Variants in ZMAT4 observed in about 807,000 individuals in gnomAD.
ZMAT4 encodes the protein zinc finger matrin-type 4, also known as zinc finger matrin-type protein 4.
ZMAT4 carries 17 observed loss-of-function variants against 28.7 expected under a neutral mutation model. The observed-to-expected ratio is 0.59, with a 90% CI of 0.41 to 0.89. ZMAT4 has a LOEUF of 0.89. Among genes scored for constraint, ZMAT4 ranks in the 40% least tolerant of loss-of-function variants. The pLI, the probability that ZMAT4 is intolerant of heterozygous loss-of-function variation, is 0.00. For missense variants in ZMAT4, 240 were observed against 283.8 expected (o/e 0.85, Z 1.11); for synonymous variants, 117 against 109.2 (o/e 1.07, Z -0.44).
chr8:40,534,329 C>G (rs1272650806), intron 6 of ZMAT4, among the ~76,000 whole-genome samples: 1 of 152,144 alleles, frequency 6.6e-6, no homozygotes, highest in Admixed American at 6.5e-5. Context: ...TACAAAAGAA[C>G]ACGGAAAATT....
At chr8:40,887,902 C>G (rs932538953) in intron 1 of ZMAT4, among the ~76,000 whole-genome samples, 2 of 152,150 alleles carry the variant, frequency 1.3e-5, no homozygotes, top group Non-Finnish European at 2.9e-5. Context: ...CCAATCTGCC[C>G]CTGAGGAGCC....
intron 1 of ZMAT4, among the ~76,000 whole-genome samples, chr8:40,862,183 A>G (rs1407623345): frequency 6.6e-6 from 1 of 152,188 alleles, no homozygotes; most frequent in Non-Finnish European, 1.5e-5. Context: ...ATGTCCATCA[A>G]TGATAGACTG....
chr8:40,838,223 A>C (rs1048188256), intron 1 of ZMAT4, among the ~76,000 whole-genome samples: 4 of 152,252 alleles, frequency 2.6e-5, no homozygotes, highest in Admixed American at 2.6e-4. Context: ...GGTGAGCAGC[A>C]GTTGGCCAGT....
intron 6 of ZMAT4, 93 bp downstream of exon 6, chr8:40,581,072 C>T: frequency 9.7e-7 from 1 of 1,036,258 alleles, no homozygotes; most frequent in South Asian, 1.5e-5. Flanking sequence ...TTCCACTCTA[C>T]TTATTTAGAA....
intron 1 of ZMAT4, among the ~76,000 whole-genome samples, chr8:40,883,527 C>T (rs1818350787): frequency 6.6e-6 from 1 of 152,284 alleles, no homozygotes; most frequent in African/African-American, 2.4e-5. Context: ...ATCCACCCTC[C>T]CATTCAAATC....
In ZMAT4 at chr8:40,872,408, C is replaced by A. The variant is rs1409537329; in HGVS notation, c.-5+25275G>T. On this transcript the variant is annotated intron_variant, in intron 1 of 6. Transcript: ENST00000297737. ...TGTTGCTAAGTAACAGTGACTCCCC[C>A]TCCCTGTAGGCCTCGGGGGCCCCAG... 3.3e-5 allele frequency among the ~76,000 whole-genome samples: 5 copies of A among 152,326 alleles called. No homozygotes were observed. The East Asian group carries it at 5.8e-4, about 18-fold the overall frequency.
At chr8:40,558,841 C>T (rs753309853) in intron 6 of ZMAT4, among the ~76,000 whole-genome samples, 4 of 152,018 alleles carry the variant, frequency 2.6e-5, no homozygotes, top group Non-Finnish European at 4.4e-5. Flanking sequence ...ATTAGGCCCA[C>T]GCCCTTTTGT....
rs138902213 is a variant in ZMAT4, at chr8:40,703,290, ATCAT to A, written c.193-5893_193-5890del. Reference sequence around the variant, plus strand: ...TTTTTACATGAGTTTTTATAGCCACATCATTCATAATAGCCCAAAGTGGAAACAG... The same window carrying A: ...TTTTTACATGAGTTTTTATAGCCACATCATAATAGCCCAAAGTGGAAACAG... On this transcript the variant is annotated intron_variant, in intron 3 of 6. Transcript: ENST00000297737. Among the ~76,000 whole-genome samples, 484 of 152,360 alleles carry A rather than the reference ATCAT, an allele frequency of 3.2e-3. 5 individuals are homozygous for A. Among genetic ancestry groups the A allele is most frequent in the East Asian group, 0.03 (154 of 5,188 alleles).
At chr8:40,866,789 G>A (rs73675738) in intron 1 of ZMAT4, among the ~76,000 whole-genome samples, 6,381 of 152,240 alleles carry the variant, frequency 0.042, 418 homozygotes, top group African/African-American at 0.14. Flanking sequence ...ATATCCAACA[G>A]GATACACATA....
At chr8:40,833,540 C>CAAAAAAGAAAAAAAAAAAAAAAA (rs1816364488) in intron 1 of ZMAT4, among the ~76,000 whole-genome samples, 1 of 87,098 alleles carries the variant, frequency 1.1e-5, no homozygotes, top group African/African-American at 4.2e-5. Flanking sequence ...TACACTCCAG[C>CAAAAAAGAAAAAAAAAAAAAAAA]AAAAAAAAAA....
At chr8:40,772,584 G>T (rs1813427338) in intron 2 of ZMAT4, among the ~76,000 whole-genome samples, 1 of 151,140 alleles carries the variant, frequency 6.6e-6, no homozygotes, top group African/African-American at 2.4e-5. Flanking sequence ...AATGCTTCAG[G>T]CAGTCTTCAA....
At chr8:40,601,932 C>A (rs1207362374) in intron 5 of ZMAT4, among the ~76,000 whole-genome samples, 3 of 152,046 alleles carry the variant, frequency 2.0e-5, no homozygotes, top group African/African-American at 7.2e-5. Context: ...TGAATAAATT[C>A]TTTAGTGGTG....
intron 5 of ZMAT4, among the ~76,000 whole-genome samples, chr8:40,641,913 C>T (rs1349537): frequency 0.55 from 83,111 of 151,658 alleles, 23,819 homozygotes; most frequent in East Asian, 0.69. Flanking sequence ...GGCAACAAAG[C>T]GAGAATCCGT....
chr8:40,648,041 T>C (rs1031252340), intron 5 of ZMAT4, among the ~76,000 whole-genome samples: 1 of 152,196 alleles, frequency 6.6e-6, no homozygotes, highest in Non-Finnish European at 1.5e-5. Flanking sequence ...AGGAACGCAG[T>C]TCCTCACCAG....
intron 3 of ZMAT4, among the ~76,000 whole-genome samples, chr8:40,742,237 G>C (rs1812041666): frequency 6.6e-6 from 1 of 151,628 alleles, no homozygotes; most frequent in Admixed American, 6.6e-5. Context: ...GACAGAGTGA[G>C]ACCCTGTCTC....
chr8:40,537,824 C>G (rs1181019949), intron 6 of ZMAT4, among the ~76,000 whole-genome samples: 1 of 152,176 alleles, frequency 6.6e-6, no homozygotes, highest in East Asian at 1.9e-4. Flanking sequence ...ACATCCTCCT[C>G]ATTCCTGAGA....
intron 1 of ZMAT4, among the ~76,000 whole-genome samples, chr8:40,895,548 G>A (rs747303919): frequency 6.6e-6 from 1 of 152,162 alleles, no homozygotes. Flanking sequence ...CAAGAAAGAG[G>A]ATTGAGGAGG....
chr8:40,553,534 G>A (rs1803430557), intron 6 of ZMAT4, among the ~76,000 whole-genome samples: 1 of 152,156 alleles, frequency 6.6e-6, no homozygotes, highest in African/African-American at 2.4e-5. Flanking sequence ...GGATAGGAAT[G>A]TCTATCTGGG....
chr8:40,726,089 G>T (rs1334571671), intron 3 of ZMAT4, among the ~76,000 whole-genome samples: 2 of 152,200 alleles, frequency 1.3e-5, no homozygotes, highest in African/African-American at 4.8e-5. Flanking sequence ...TTAGATCTCA[G>T]AGTATGCTGG....
Sources: allele counts gnomAD v4.1 joint callset (sites outside exome capture counted in the v4.1 genomes callset), GRCh38; gene constraint gnomAD v4.1.1; transcripts MANE v1.5; gene names NCBI Gene and HGNC (gene_info 2026-07-23, HGNC 2026-07-21).